CAMK2A: variants seen among roughly 807,000 people sequenced by gnomAD.
CAMK2A encodes calcium/calmodulin-dependent protein kinase type II subunit alpha.
In CAMK2A, 7 loss-of-function variants were observed where a neutral mutation model predicts 79.2. The observed-to-expected ratio is 0.09, with a 90% confidence interval of 0.05 to 0.17. The LOEUF is 0.17. Among genes scored for constraint, CAMK2A ranks in the 10% least tolerant of loss-of-function variants. The probability of loss-of-function intolerance (pLI) is 1.00; values close to 1 mark genes in which losing one functional copy is unlikely to be tolerated. For synonymous variants in CAMK2A, 242 were observed against 251.7 expected, an observed-to-expected ratio of 0.96 and a Z score of 0.36; for missense variants, 214 against 646.4, an observed-to-expected ratio of 0.33 and a Z score of 7.25.
intron 17 of CAMK2A, 66 bp downstream of exon 17, chr5:150,228,126 G>T: frequency 7.2e-7 from 1 of 1,388,878 alleles, no homozygotes; most frequent in Non-Finnish European, 1.0e-6. Flanking sequence ...TCACCCTGCT[G>T]TGCCATCCAG....
intron 3 of CAMK2A, among the ~76,000 whole-genome samples, chr5:150,261,661 CA>C: frequency 6.6e-6 from 1 of 152,126 alleles, no homozygotes; most frequent in Non-Finnish European, 1.5e-5. Context: ...CCCCTGACAC[CA>C]TATATGTGAT....
Position 150,253,508 on chromosome 5 carries a change from G to C in CAMK2A, c.450C>G (p.Ala150=), listed in dbSNP as rs373461784. The C allele has an allele frequency of 9.9e-6, 16 of 1,614,086 alleles. No homozygotes were observed. Among genetic ancestry groups the C allele is most frequent in the Middle Eastern group, 1.6e-4 (1 of 6,084 alleles). The change falls in exon 7 of 19, where the codon GCC becomes GCG. Residue 150 remains alanine, a synonymous_variant. Transcript: ENST00000671881. The part of the protein sequence containing the change: ...NLLLASKLKG[A]AVKLADFGLA... ...GGCCAAAGTCTGCCAGCTTCACTGC[G>C]GCACCCTTGAGCTTGGAGGCCAGCA...
In CAMK2A at chr5:150,284,394, G is replaced by T. The variant is rs902793196; in HGVS notation, c.62+5170C>A. On this transcript the variant is annotated intron_variant, in intron 1 of 18. Coordinates refer to ENST00000671881, the MANE Select transcript of CAMK2A (RefSeq NM_015981.4). This position sits in a 1 kb window ranked among gnomAD's most constrained non-coding sequence, Gnocchi z 5.3. ...GCATCAGCAACAGGATGCGAGTGTT[G>T]CACTCCGAGGCTCTGCCCTCACCCC... Among the ~76,000 whole-genome samples, 6 of 152,040 alleles carry T rather than the reference G, an allele frequency of 3.9e-5. No individual in the cohort carries two copies. Among genetic ancestry groups the T allele is most frequent in the African/African-American group, 1.4e-4 (6 of 41,398 alleles).
intron 6 of CAMK2A, among the ~76,000 whole-genome samples, chr5:150,255,919 C>A (rs1011099439): frequency 1.3e-5 from 2 of 152,214 alleles, no homozygotes; most frequent in Admixed American, 1.3e-4. Context: ...ATATGAACTA[C>A]CAGCCACTGA....
intron 6 of CAMK2A, among the ~76,000 whole-genome samples, chr5:150,255,336 A>C (rs1756009579): frequency 6.6e-6 from 1 of 152,236 alleles, no homozygotes; most frequent in Non-Finnish European, 1.5e-5. Flanking sequence ...GTGTCTGCCC[A>C]GGACAGTCAG....
intron 1 of CAMK2A, among the ~76,000 whole-genome samples, chr5:150,278,064 G>A (rs550086503): frequency 1.3e-4 from 20 of 152,338 alleles, no homozygotes; most frequent in African/African-American, 2.2e-4. Flanking sequence ...ACTGTGTGAC[G>A]CTGAACTTGA....
rs951346239 is a variant in CAMK2A at position 150,221,416 on chromosome 5, C to T, written c.*1294G>A. On this transcript the variant is annotated 3_prime_UTR_variant, in exon 19 of 19. Transcript: ENST00000671881. The stretch of plus-strand genomic sequence containing the variant: ...AGGGGAGAGAGGCAATGAAGACACA[C>T]GCTCACGGGCCCCCCAGAGGTGGGT... 20 of 398,710 alleles carry T rather than the reference C, an allele frequency of 5.0e-5. No homozygotes were observed. The highest frequency in any genetic ancestry group is 8.0e-5 in the Non-Finnish European group (18 of 226,070). The allele number at this position is 398,710 out of a possible 1,614,324, so 24.7% of individuals were successfully genotyped here. A position where few individuals can be genotyped will look rare whatever the true frequency, so the allele number is the denominator to read the frequency against.
At chr5:150,240,285 C>T (rs980554598) in intron 13 of CAMK2A, among the ~76,000 whole-genome samples, 15 of 152,192 alleles carry the variant, frequency 9.9e-5, no homozygotes, top group Non-Finnish European at 1.9e-4. Flanking sequence ...GTCTGGGGTG[C>T]GGCCTGAGCA....
At chr5:150,275,455 A>AGAGTTAGTG (rs1477992111) in intron 1 of CAMK2A, among the ~76,000 whole-genome samples, 1 of 152,156 alleles carries the variant, frequency 6.6e-6, no homozygotes, top group East Asian at 1.9e-4. Context: ...CTAACTACCT[A>AGAGTTAGTG]GAGTTAGTGC....
intron 3 of CAMK2A, among the ~76,000 whole-genome samples, chr5:150,258,958 T>C (rs1756180404): frequency 1.3e-5 from 2 of 151,954 alleles, no homozygotes; most frequent in Non-Finnish European, 2.9e-5. Flanking sequence ...AGCAGGTGGA[T>C]CGCCTGAGGT....
chr5:150,289,634 T>A lies in CAMK2A; in HGVS notation c.-9A>T, dbSNP rs747983626. ...CAGGTGATGGTGGCCATCCTGGCGC[T>A]GGGCAGGCAGGTGAGGCTTGGGACT... On this transcript the variant is annotated 5_prime_UTR_variant, in exon 1 of 19. Transcript: ENST00000671881. 6.2e-7 allele frequency: 1 copy of A among 1,613,096 alleles called. No individual in the cohort carries two copies. Among genetic ancestry groups the A allele is most frequent in the South Asian group, 1.1e-5 (1 of 91,048 alleles).
intron 1 of CAMK2A, among the ~76,000 whole-genome samples, chr5:150,281,831 G>C (rs1269727181): frequency 1.3e-5 from 2 of 152,214 alleles, no homozygotes; most frequent in Non-Finnish European, 2.9e-5. Flanking sequence ...GAAGCTTTTA[G>C]GCCTCAGCTT....
intron 1 of CAMK2A, among the ~76,000 whole-genome samples, chr5:150,279,808 G>A (rs1177815901): frequency 6.6e-6 from 1 of 152,240 alleles, no homozygotes; most frequent in African/African-American, 2.4e-5. Flanking sequence ...GCGCATGGCT[G>A]AGAATGTGGG....
chr5:150,245,412 C>T, intron 12 of CAMK2A: 1 of 591,632 alleles, frequency 1.7e-6, no homozygotes, highest in Non-Finnish European at 3.0e-6. Context: ...GGGTTCCCCG[C>T]CTTCTCAGCA....
At chr5:150,288,866 C>T (rs1757544869) in intron 1 of CAMK2A, among the ~76,000 whole-genome samples, 1 of 152,192 alleles carries the variant, frequency 6.6e-6, no homozygotes, top group Admixed American at 6.5e-5. Flanking sequence ...CTGGGCTGGG[C>T]AACTTTGCTT....
chr5:150,257,970 G>A (rs1022683677), intron 3 of CAMK2A, among the ~76,000 whole-genome samples: 2 of 152,212 alleles, frequency 1.3e-5, no homozygotes, highest in Non-Finnish European at 2.9e-5. Flanking sequence ...GTGACTTCTG[G>A]CAAGTTGCTA....
intron 15 of CAMK2A, 121 bp from the exon 16 acceptor site, chr5:150,231,501 CTG>C: frequency 2.5e-6 from 1 of 394,702 alleles, no homozygotes; most frequent in Non-Finnish European, 4.3e-6. Context: ...GTGCCAGACT[CTG>C]TGCTGGGACC....
At chr5:150,228,835 T>C (rs116156248) in intron 16 of CAMK2A, among the ~76,000 whole-genome samples, 5,083 of 152,344 alleles carry the variant, frequency 0.033, 102 homozygotes, top group Non-Finnish European at 0.05. Context: ...GCCTTGGCTG[T>C]GAGCCTCAGT....
intron 13 of CAMK2A, among the ~76,000 whole-genome samples, chr5:150,242,385 G>A (rs1316329848): frequency 1.3e-5 from 2 of 152,126 alleles, no homozygotes; most frequent in South Asian, 2.1e-4. Context: ...AATTAGCCTC[G>A]AAAAGCCCTC....
Sources: allele counts gnomAD v4.1 joint callset (sites outside exome capture counted in the v4.1 genomes callset), GRCh38; gene constraint gnomAD v4.1.1; non-coding constraint Gnocchi (gnomAD v3.1); transcripts MANE v1.5; gene names NCBI Gene and HGNC (gene_info 2026-07-23, HGNC 2026-07-21).